HELQ: variants seen among roughly 807,000 people sequenced by gnomAD.
The protein encoded by HELQ is helicase, POLQ like, also known as helicase POLQ-like.
HELQ carries 77 observed loss-of-function variants against 111.6 expected under a neutral mutation model. The ratio of observed to expected loss-of-function variants is 0.69; its 90% CI spans 0.57 to 0.83. The LOEUF is 0.83. Ranked by LOEUF, HELQ falls within the 40% of genes least tolerant of loss-of-function variation. The probability of loss-of-function intolerance (pLI) is 0.00; values close to 1 mark genes in which losing one functional copy is unlikely to be tolerated. For missense variants in HELQ, 1,200 were observed against 1,288.5 expected (o/e 0.93, Z 1.05); for synonymous variants, 438 against 454.7 (o/e 0.96, Z 0.47).
Position 83,453,536 on chromosome 4 carries a change from G to A in HELQ, c.707C>T (p.Pro236Leu), listed in dbSNP as rs1267692643. The change falls in exon 2 of 18, where the codon CCC becomes CTC. Residue 236 changes from proline to leucine, a missense_variant. Physicochemically the swap from Pro to Leu is moderately conservative, Grantham distance 98. This residue lies in a region of HELQ where 610 missense variants were observed against 607.1 expected (regional missense o/e 1.00). Transcript: ENST00000295488. ...CTGGGGTTGCTCTATGCAATTATGG[G>A]GCAGTTCCTCATTCACAGTGTTGTG... ...SSHNTVNEEL[P>L]HNCIEQPQQN... is the part of the protein sequence containing the mutation. 4.3e-6 allele frequency: 7 copies of A among 1,613,732 alleles called. No individual in the cohort carries two copies. In the South Asian group the frequency reaches 6.6e-5, roughly 15 times the overall value.
chr4:83,415,474 C>T (rs1304444485), intron 17 of HELQ, among the ~76,000 whole-genome samples: 1 of 151,994 alleles, frequency 6.6e-6, no homozygotes, highest in Non-Finnish European at 1.5e-5. Flanking sequence ...AAATAGACAA[C>T]CTAATTTTTG....
intron 14 of HELQ, among the ~76,000 whole-genome samples, chr4:83,423,843 G>A (rs765246311): frequency 5.3e-5 from 8 of 152,012 alleles, no homozygotes; most frequent in Non-Finnish European, 7.4e-5. Context: ...CTTGGGAGGC[G>A]GAGGTTGCAG....
chr4:83,429,870 A>G (rs1356395790), intron 11 of HELQ, 124 bp from the exon 12 acceptor site: 5 of 607,442 alleles, frequency 8.2e-6, no homozygotes, highest in Non-Finnish European at 8.5e-6. Context: ...TTAGTATTAA[A>G]TCTACACAGT....
At chr4:83,452,755 G>A (rs758345971) in intron 2 of HELQ, among the ~76,000 whole-genome samples, 2 of 152,180 alleles carry the variant, frequency 1.3e-5, no homozygotes, top group African/African-American at 4.8e-5. Context: ...GTCAGGTAAG[G>A]TAAACATTAA....
intron 2 of HELQ, among the ~76,000 whole-genome samples, chr4:83,449,259 T>C (rs1360965238): frequency 6.6e-6 from 1 of 152,190 alleles, no homozygotes. Flanking sequence ...GAGTGCCATC[T>C]GAGATATCAG....
intron 9 of HELQ, among the ~76,000 whole-genome samples, chr4:83,433,665 CAAAAAAAAAAAA>C (rs1175098887): frequency 2.1e-5 from 1 of 47,082 alleles, no homozygotes; most frequent in Non-Finnish European, 4.8e-5. Flanking sequence ...GACTCCGTCT[CAAAAAAAAAAAA>C]AAAAAAAAAA....
chr4:83,452,658 T>C (rs1468303224), intron 2 of HELQ, among the ~76,000 whole-genome samples: 1 of 151,776 alleles, frequency 6.6e-6, no homozygotes, highest in African/African-American at 2.4e-5. Context: ...ACAATCGGGG[T>C]CAAAAAACAG....
intron 16 of HELQ, among the ~76,000 whole-genome samples, chr4:83,417,315 G>T (rs1182151172): frequency 6.6e-6 from 1 of 150,582 alleles, no homozygotes; most frequent in Non-Finnish European, 1.5e-5. Flanking sequence ...AAATTTTCTT[G>T]CCTCAGCCTC....
At chr4:83,415,576 G>A (rs921689865) in intron 17 of HELQ, among the ~76,000 whole-genome samples, 9 of 152,054 alleles carry the variant, frequency 5.9e-5, no homozygotes, top group Non-Finnish European at 4.4e-5. Flanking sequence ...AGAGAACTTT[G>A]GGAGACAGAG....
chr4:83,445,041 C>G (rs1720978284), intron 5 of HELQ, among the ~76,000 whole-genome samples: 1 of 152,036 alleles, frequency 6.6e-6, no homozygotes, highest in African/African-American at 2.4e-5. Context: ...ATAGGAGAGA[C>G]AGAAGTAACA....
At chr4:83,425,344 T>G (rs1324303998) in intron 14 of HELQ, among the ~76,000 whole-genome samples, 1 of 149,936 alleles carries the variant, frequency 6.7e-6, no homozygotes, top group Non-Finnish European at 1.5e-5. Context: ...GTAAATTGGA[T>G]TGCCAAATAA....
At chr4:83,446,133 G>C in intron 4 of HELQ, 47 bp from the exon 5 acceptor site, 1 of 1,266,016 alleles carries the variant, frequency 7.9e-7, no homozygotes, top group Non-Finnish European at 1.2e-6. Flanking sequence ...TCTTCATATA[G>C]TGCTCATATA....
At chr4:83,425,922 T>G in intron 14 of HELQ, 72 bp downstream of exon 14, 2 of 760,822 alleles carry the variant, frequency 2.6e-6, no homozygotes, top group Non-Finnish European at 4.5e-6. Context: ...ACTAATTTTG[T>G]TGAGTGAACT....
At position 83,432,145 on chromosome 4, in the gene HELQ, T is replaced by C. The variant is rs1188651293; in HGVS notation, c.2171A>G (p.Gln724Arg). The C allele has an allele frequency of 1.9e-6, 3 of 1,580,160 alleles. 1 individual carries two copies. The highest frequency in any genetic ancestry group is 2.6e-6 in the Non-Finnish European group (3 of 1,165,970). ...TATTACCTGTTGTTTGTCTTTTTCT[T>C]GCAATATGAGGATACTCTCCCCAAT... ...DTIGESILIL[Q>R]EKDKQQVLEL... is the part of the protein sequence containing the mutation. The change falls in exon 10 of 18, where the codon CAA becomes CGA. Residue 724 changes from glutamine to arginine, a missense_variant. By Grantham distance (43) the Gln-to-Arg change is conservative (BLOSUM62 1). Coordinates refer to ENST00000295488, the MANE Select transcript of HELQ (RefSeq NM_133636.5).
intron 17 of HELQ, 38 bp from the exon 18 acceptor site, chr4:83,407,598 A>G (rs1209886374): frequency 7.5e-7 from 1 of 1,324,568 alleles, no homozygotes; most frequent in African/African-American, 1.5e-5. Flanking sequence ...CAAAATATGC[A>G]TTGCTAGAGA....
At chr4:83,423,530 GT>G (rs1719655443) in intron 14 of HELQ, among the ~76,000 whole-genome samples, 1 of 152,180 alleles carries the variant, frequency 6.6e-6, no homozygotes, top group African/African-American at 2.4e-5. Context: ...TTGAGTCAAT[GT>G]AGGTTTTTTC....
At chr4:83,412,213 T>C (rs534750046) in intron 17 of HELQ, among the ~76,000 whole-genome samples, 54 of 152,368 alleles carry the variant, frequency 3.5e-4, no homozygotes, top group African/African-American at 1.3e-3. Context: ...ATCCTATTTC[T>C]AGTTTCACTG....
chr4:83,447,324 G>A (rs1331482446), intron 3 of HELQ, among the ~76,000 whole-genome samples: 1 of 152,086 alleles, frequency 6.6e-6, no homozygotes, highest in African/African-American at 2.4e-5. Flanking sequence ...TCCAGCCTGG[G>A]CGACAGAGCA....
chr4:83,446,703 A>T (rs1721067434), intron 4 of HELQ, 132 bp downstream of exon 4: 1 of 591,306 alleles, frequency 1.7e-6, no homozygotes, highest in Non-Finnish European at 2.9e-6. Context: ...GTCTTCACCT[A>T]TATTGTCTAT....
Sources: allele counts gnomAD v4.1 joint callset (sites outside exome capture counted in the v4.1 genomes callset), GRCh38; gene constraint gnomAD v4.1.1; regional missense constraint gnomAD v4.1.1; transcripts MANE v1.5; gene names NCBI Gene and HGNC (gene_info 2026-07-23, HGNC 2026-07-21).